SV2C: variants seen among roughly 807,000 people sequenced by gnomAD.
SV2C encodes the protein solute carrier family 22 member B3.
In SV2C, 49 loss-of-function variants were observed where a neutral mutation model predicts 79.7. The ratio of observed to expected loss-of-function variants is 0.61; its 90% CI spans 0.49 to 0.78. The LOEUF is 0.78. Among genes scored for constraint, SV2C ranks in the 30% least tolerant of loss-of-function variants. SV2C has a pLI of 0.00. For missense variants in SV2C, 833 were observed against 912.9 expected (o/e 0.91, Z 1.13); for synonymous variants, 334 against 333.2 (o/e 1.00, Z -0.03).
the SV2C span, among the ~76,000 whole-genome samples, chr5:75,924,559 A>G: frequency 6.6e-6 from 1 of 152,204 alleles, no homozygotes; most frequent in Non-Finnish European, 1.5e-5. Flanking sequence ...TCTAGAATCT[A>G]CATCTTACAT....
intron 2 of SV2C, among the ~76,000 whole-genome samples, chr5:76,138,986 G>A (rs775943230): frequency 3.3e-5 from 5 of 152,114 alleles, no homozygotes; most frequent in Admixed American, 2.6e-4. Flanking sequence ...GGGTGTGGTA[G>A]CGGGTGCCTG....
intron 2 of SV2C, among the ~76,000 whole-genome samples, chr5:76,172,141 C>T (rs1407411251): frequency 6.6e-5 from 2 of 30,354 alleles, no homozygotes; most frequent in Non-Finnish European, 5.2e-5. Flanking sequence ...CCCGGCCAGC[C>T]GCCCCGTCTG....
At chr5:76,321,295 A>G (rs1748820673) in intron 12 of SV2C, among the ~76,000 whole-genome samples, 4 of 124,926 alleles carry the variant, frequency 3.2e-5, no homozygotes, top group Admixed American at 2.7e-4. Context: ...TTTCCCTCTT[A>G]GGGGGAAAAA....
intron 4 of SV2C, among the ~76,000 whole-genome samples, chr5:76,267,420 A>G (rs1746699343): frequency 6.6e-6 from 1 of 152,224 alleles, no homozygotes; most frequent in African/African-American, 2.4e-5. Context: ...TCCAAGTACA[A>G]TATGATGATT....
intron 1 of SV2C, among the ~76,000 whole-genome samples, chr5:76,091,156 C>G (rs1008100571): frequency 1.3e-5 from 2 of 152,184 alleles, no homozygotes; most frequent in Admixed American, 1.3e-4. Flanking sequence ...TTAAACACAT[C>G]ACTAGCTGCA....
At chr5:75,879,882 ACCCT>A in the SV2C span, among the ~76,000 whole-genome samples, 2 of 151,952 alleles carry the variant, frequency 1.3e-5, no homozygotes, top group East Asian at 3.9e-4. Flanking sequence ...TTTTTGATAC[ACCCT>A]CTGAAATCTA....
chr5:76,147,946 A>G (rs573201293), intron 2 of SV2C, among the ~76,000 whole-genome samples: 4 of 152,148 alleles, frequency 2.6e-5, no homozygotes, highest in Non-Finnish European at 5.9e-5. Context: ...TTTTTTTCCT[A>G]TACACCTTTC....
chr5:75,990,208 GA>G, the SV2C span, among the ~76,000 whole-genome samples: 2 of 151,926 alleles, frequency 1.3e-5, no homozygotes, highest in African/African-American at 2.4e-5. Context: ...TCTTCATCAT[GA>G]AATCTTTGCC....
intron 1 of SV2C, among the ~76,000 whole-genome samples, chr5:76,095,901 A>G (rs1482877514): frequency 6.6e-6 from 1 of 152,144 alleles, no homozygotes; most frequent in Non-Finnish European, 1.5e-5. Flanking sequence ...CTTTGGGTCT[A>G]CTCATTACTT....
chr5:75,912,750 G>A, the SV2C span, among the ~76,000 whole-genome samples: 1 of 152,148 alleles, frequency 6.6e-6, no homozygotes, highest in African/African-American at 2.4e-5. Context: ...AGCTCATGAA[G>A]TAGAGGAGAG....
In SV2C at chr5:76,224,878, T is replaced by C. The variant is rs370176597; in HGVS notation, c.913+14991T>C. ...TTTACATAACCTACCATCAGAGGCA[T>C]TGATGTTAAATTACCTACCAGTTCC... is the stretch of plus-strand genomic sequence containing the variant. On this transcript the variant is annotated intron_variant, in intron 4 of 12. Coordinates refer to ENST00000502798, the MANE Select transcript of SV2C (RefSeq NM_014979.4). Among the ~76,000 whole-genome samples, 5 of 152,318 alleles carry C rather than the reference T, an allele frequency of 3.3e-5. No individual in the cohort carries two copies. The South Asian group carries it at 8.3e-4, about 25-fold the overall frequency.
chr5:76,098,483 C>T (rs183775416), intron 1 of SV2C, among the ~76,000 whole-genome samples: 8 of 152,320 alleles, frequency 5.3e-5, no homozygotes, highest in South Asian at 2.1e-4. Context: ...ATAAAGGCAT[C>T]ACACTCTATC....
At chr5:76,339,586 C>T (rs1749400034) in intron 12 of SV2C, among the ~76,000 whole-genome samples, 1 of 151,940 alleles carries the variant, frequency 6.6e-6, no homozygotes, top group East Asian at 1.9e-4. Flanking sequence ...TGGTGGTGGG[C>T]ACCTGTAGTC....
At chr5:76,219,945 A>G (rs1745019828) in intron 4 of SV2C, among the ~76,000 whole-genome samples, 1 of 152,180 alleles carries the variant, frequency 6.6e-6, no homozygotes, top group Admixed American at 6.5e-5. Flanking sequence ...CAGGTAGGTT[A>G]TCTTAGGCAC....
At chr5:75,848,257 TCAA>T in the SV2C span, among the ~76,000 whole-genome samples, 1 of 152,222 alleles carries the variant, frequency 6.6e-6, no homozygotes, top group African/African-American at 2.4e-5. Context: ...GAGCCTGTTG[TCAA>T]GAGCTCTGAG....
the SV2C span, among the ~76,000 whole-genome samples, chr5:75,875,314 A>G: frequency 2.6e-5 from 4 of 152,200 alleles, no homozygotes; most frequent in African/African-American, 9.6e-5. Context: ...AAAGCTGACA[A>G]AAACAAGCAA....
chr5:76,301,526 C>G lies in SV2C; in HGVS notation c.1981C>G (p.Leu661Val). Residue 661 changes from leucine (L) to valine (V), a missense_variant, in exon 12 of 13, where the codon CTG (leucine) becomes GTG (valine). Leu to Val is a conservative substitution (Grantham distance 32). Transcript: ENST00000502798. ...CTCTCTTGACGTGGTCACTGTGGAA[C>G]TGTACCCCACAGACCGGAGGTATGT... ...WNSLDVVTVE[L>V]YPTDRRATGF... 1 of 1,613,866 alleles carries G rather than the reference C, an allele frequency of 6.2e-7. No homozygotes were observed. Among genetic ancestry groups the G allele is most frequent in the Non-Finnish European group, 8.5e-7 (1 of 1,179,894 alleles).
intron 4 of SV2C, among the ~76,000 whole-genome samples, chr5:76,269,724 C>A (rs985068284): frequency 4.6e-5 from 7 of 152,168 alleles, no homozygotes; most frequent in African/African-American, 1.4e-4. Context: ...CCACCTCTGC[C>A]AGAGGGAGCA....
At chr5:75,902,915 G>C in the SV2C span, among the ~76,000 whole-genome samples, 4 of 152,216 alleles carry the variant, frequency 2.6e-5, no homozygotes, top group East Asian at 5.8e-4. Flanking sequence ...CTGGTGAGCA[G>C]GATGATCTAA....
Sources: allele counts gnomAD v4.1 joint callset (sites outside exome capture counted in the v4.1 genomes callset), GRCh38; gene constraint gnomAD v4.1.1; transcripts MANE v1.5; gene names NCBI Gene and HGNC (gene_info 2026-07-23, HGNC 2026-07-21).